The following JMJD1C variants were observed in gnomAD, a reference collection of about 807,000 sequenced individuals.
The protein encoded by JMJD1C is jumonji domain containing 1C, also known as jumonji domain-containing protein 1C.
Under a neutral mutation model 245.3 loss-of-function variants are expected in JMJD1C, and 31 were observed. That is an observed-to-expected ratio of 0.13 (90% CI 0.09 to 0.17). JMJD1C has a LOEUF of 0.17. Among genes scored for constraint, JMJD1C ranks in the 10% least tolerant of loss-of-function variants. JMJD1C has a pLI of 1.00. For synonymous variants in JMJD1C, 1,057 were observed against 1,017.4 expected (o/e 1.04, Z -0.74); for missense variants, 2,691 against 3,000.2 (o/e 0.90, Z 2.41).
At chr10:63,475,582 ACTG>A (rs1953635015) in intron 1 of JMJD1C, among the ~76,000 whole-genome samples, 1 of 152,198 alleles carries the variant, frequency 6.6e-6, no homozygotes, top group South Asian at 2.1e-4. Flanking sequence ...GTCTCCTACT[ACTG>A]GGGAGAAGGA....
intron 3 of JMJD1C, among the ~76,000 whole-genome samples, chr10:63,239,270 G>A (rs1353099953): frequency 6.6e-6 from 1 of 152,192 alleles, no homozygotes; most frequent in Non-Finnish European, 1.5e-5. Context: ...CAGAGTAGGT[G>A]AGGAAGAAAA....
Position 63,208,757 on chromosome 10 carries a change from G to C in JMJD1C, c.2912C>G (p.Ala971Gly). Residue 971 changes from alanine to glycine, a missense_variant, in exon 10 of 26, where the codon GCA (alanine) becomes GGA (glycine). Physicochemically the swap from Ala to Gly is moderately conservative, Grantham distance 60. Coordinates refer to ENST00000399262, the MANE Select transcript of JMJD1C (RefSeq NM_032776.3). The part of the protein sequence containing the change: ...KAFMEPLRSV[A>G]STSAKNDLDL... ...CAGGTCATTTTTGGCTGATGTGGATGCAACAGACCGTAATGGTTCCATAAA... is the reference window on the plus strand; with the variant it reads ...CAGGTCATTTTTGGCTGATGTGGATCCAACAGACCGTAATGGTTCCATAAA... The C allele has an allele frequency of 6.2e-7, 1 of 1,611,004 alleles. No homozygotes were observed. The highest frequency in any genetic ancestry group is 1.7e-4 in the Middle Eastern group (1 of 6,050).
At chr10:63,237,671 G>A (rs917551520) in intron 3 of JMJD1C, among the ~76,000 whole-genome samples, 1 of 152,096 alleles carries the variant, frequency 6.6e-6, no homozygotes, top group Admixed American at 6.6e-5. Context: ...GGAGTCAGAA[G>A]TGTTTCAGAT....
chr10:63,307,971 G>A (rs996718441), intron 2 of JMJD1C, among the ~76,000 whole-genome samples: 3 of 151,894 alleles, frequency 2.0e-5, no homozygotes, highest in Non-Finnish European at 2.9e-5. Flanking sequence ...CCTACACGGT[G>A]TAAACCTGTC....
At chr10:63,292,445 T>C (rs10761737) in intron 2 of JMJD1C, among the ~76,000 whole-genome samples, 54,533 of 151,108 alleles carry the variant, frequency 0.36, 10,473 homozygotes, top group South Asian at 0.5. Context: ...ACCCCGTCTC[T>C]AGTAAAAATA....
rs1941875965 is a variant in JMJD1C, at chr10:63,329,300, G to GA, written c.333+51017dup. Among the ~76,000 whole-genome samples, 3 of 150,086 alleles carry GA rather than the reference G, an allele frequency of 2.0e-5. No homozygotes were observed. The South Asian group carries it at 6.3e-4, about 31-fold the overall frequency. ...ATTTCAAAAAAAAAAAAGAAAGAAA[G>GA]AAAGAAAGAAAAAAGGAAATTAAAG... On this transcript the variant is annotated intron_variant, in intron 2 of 25. Coordinates refer to ENST00000399262, the MANE Select transcript of JMJD1C (RefSeq NM_032776.3).
chr10:63,375,172 A>AT (rs1046269965), intron 2 of JMJD1C, among the ~76,000 whole-genome samples: 2 of 147,330 alleles, frequency 1.4e-5, no homozygotes, highest in East Asian at 2.0e-4. Flanking sequence ...AAATCAACAC[A>AT]TAAAAATTGG....
upstream of JMJD1C, among the ~76,000 whole-genome samples, chr10:63,469,269 C>T (rs1235377533): frequency 2.0e-5 from 3 of 152,198 alleles, no homozygotes; most frequent in African/African-American, 7.2e-5. Context: ...AGAACACTTA[C>T]TATGTGTCAG....
In JMJD1C at chr10:63,363,812, G is replaced by A. The variant is rs577941908; in HGVS notation, c.333+16506C>T. ...TCCCCCTCTGGCCCCAGCCTCTCCC[G>A]GGTAGCTGGGACTATAGGTACACGC... is the stretch of plus-strand genomic sequence containing the variant. On this transcript the variant is annotated intron_variant, in intron 2 of 25. Transcript: ENST00000399262. 5.8e-4 allele frequency among the ~76,000 whole-genome samples: 87 copies of A among 151,000 alleles called. 1 individual carries two copies. Among genetic ancestry groups the A allele is most frequent in the Non-Finnish European group, 1.5e-4 (10 of 67,806 alleles).
At chr10:63,384,988 GA>G (rs1589638526) in intron 1 of JMJD1C, among the ~76,000 whole-genome samples, 1 of 152,134 alleles carries the variant, frequency 6.6e-6, no homozygotes, top group African/African-American at 2.4e-5. Flanking sequence ...TTTCAAGTTA[GA>G]GATGTGTGAC....
At chr10:63,354,126 A>C (rs1393452219) in intron 2 of JMJD1C, among the ~76,000 whole-genome samples, 1 of 152,220 alleles carries the variant, frequency 6.6e-6, no homozygotes, top group Non-Finnish European at 1.5e-5. Context: ...GGCATGAGCC[A>C]CTGCGCCTGG....
chr10:63,474,869 GAA>G (rs1444728709), intron 1 of JMJD1C, among the ~76,000 whole-genome samples: 2 of 149,014 alleles, frequency 1.3e-5, no homozygotes, highest in East Asian at 2.0e-4. Context: ...AAAAAAAAAA[GAA>G]TGAGTAATAA....
At chr10:63,301,755 T>C (rs1860107752) in intron 2 of JMJD1C, 2 of 448,602 alleles carry the variant, frequency 4.5e-6, no homozygotes, top group Non-Finnish European at 8.9e-6. Context: ...ATGGCACGTG[T>C]ATACATACCT....
intron 3 of JMJD1C, among the ~76,000 whole-genome samples, chr10:63,228,335 T>C (rs1004123534): frequency 1.3e-5 from 2 of 152,174 alleles, no homozygotes; most frequent in African/African-American, 2.4e-5. Context: ...ATTCTTCTTT[T>C]TGAGTTTTTT....
At chr10:63,222,469 G>C (rs912490113) in intron 3 of JMJD1C, 7 of 974,724 alleles carry the variant, frequency 7.2e-6, no homozygotes, top group Middle Eastern at 3.1e-4. Context: ...ACAATAAAGG[G>C]AAAGTTGTGG....
intron 2 of JMJD1C, among the ~76,000 whole-genome samples, chr10:63,287,809 T>A (rs1005605865): frequency 4.6e-5 from 7 of 152,098 alleles, no homozygotes; most frequent in Non-Finnish European, 2.9e-5. Context: ...AGTGCAATGG[T>A]ACGGTCTTGG....
intron 2 of JMJD1C, among the ~76,000 whole-genome samples, chr10:63,294,809 A>G (rs1046947274): frequency 1.3e-5 from 2 of 152,096 alleles, no homozygotes; most frequent in African/African-American, 4.8e-5. Flanking sequence ...TTGTTTTTGT[A>G]TTTTCCATAG....
chr10:63,351,688 A>G (rs908300989), intron 2 of JMJD1C, among the ~76,000 whole-genome samples: 3 of 152,190 alleles, frequency 2.0e-5, no homozygotes, highest in African/African-American at 4.8e-5. Flanking sequence ...AGAGACCTAC[A>G]AAGGGCTAAC....
At chr10:63,444,124 G>T (rs1564926232) in intron 1 of JMJD1C, among the ~76,000 whole-genome samples, 1 of 152,076 alleles carries the variant, frequency 6.6e-6, no homozygotes. Context: ...ATTCATAACA[G>T]TAAGTGACTG....
Sources: gnomAD v4.1 joint callset for allele counts (sites outside exome capture counted in the v4.1 genomes callset) on GRCh38, gnomAD v4.1.1 for gene constraint, MANE v1.5 for transcripts, NCBI Gene and HGNC (gene_info 2026-07-23, HGNC 2026-07-21) for gene names.